Variants in CPEB2 observed in about 807,000 individuals in gnomAD.
The protein encoded by CPEB2 is cytoplasmic polyadenylation element binding protein 2.
Under a neutral mutation model 93.6 loss-of-function variants are expected in CPEB2, and 56 were observed. The observed-to-expected ratio is 0.60, with a 90% CI of 0.48 to 0.75. The LOEUF (loss-of-function observed/expected upper bound fraction) is 0.75, where lower values mean the gene tolerates loss of function less well. Ranked by LOEUF, CPEB2 falls within the 30% of genes least tolerant of loss-of-function variation. The pLI is 0.00. For synonymous variants in CPEB2, 764 were observed against 586.3 expected, an observed-to-expected ratio of 1.30 and a Z score of -4.38; for missense variants, 1,579 against 1,395.1, an observed-to-expected ratio of 1.13 and a Z score of -2.10.
Position 15,003,214 on chromosome 4 carries a change from G to A in CPEB2, c.541G>A (p.Glu181Lys), listed in dbSNP as rs1003483266. Residue 181 changes from glutamate (E) to lysine (K), a missense_variant, in exon 1 of 12, where the codon GAG becomes AAG. By Grantham distance (56) the Glu-to-Lys change is moderately conservative (BLOSUM62 1). Transcript: ENST00000538197. ...QQQLSSQKRK[E>K]FSPPHLPHPP... is the part of the protein sequence containing the mutation. ...GCAGCTGAGCAGCCAGAAGAGGAAAGAGTTCAGCCCTCCCCACCTTCCCCA... is the reference window on the plus strand; with the variant it reads ...GCAGCTGAGCAGCCAGAAGAGGAAAAAGTTCAGCCCTCCCCACCTTCCCCA... 2.0e-6 allele frequency: 3 copies of A among 1,533,162 alleles called. No individual in the cohort carries two copies. The highest frequency in any genetic ancestry group is 4.9e-5 in the East Asian group (2 of 40,534). The allele number at this position is 1,533,162 out of a possible 1,614,324, so 95.0% of individuals were successfully genotyped here. A position where few individuals can be genotyped will look rare whatever the true frequency, so the allele number is the denominator to read the frequency against.
At chr4:15,012,772 T>A (rs1296527227) in intron 3 of CPEB2, among the ~76,000 whole-genome samples, 1 of 152,156 alleles carries the variant, frequency 6.6e-6, no homozygotes, top group Admixed American at 6.5e-5. Flanking sequence ...TCTTTCTAGT[T>A]AAGCAGAATA....
intron 11 of CPEB2, among the ~76,000 whole-genome samples, chr4:15,064,098 T>C (rs550437028): frequency 6.6e-6 from 1 of 152,262 alleles, no homozygotes; most frequent in South Asian, 2.1e-4. Context: ...ATGAAAATTG[T>C]TTATTCCACT....
At chr4:15,052,235 T>C (rs2109080129) in intron 6 of CPEB2, among the ~76,000 whole-genome samples, 179 bp from the exon 7 acceptor site, 1 of 152,286 alleles carries the variant, frequency 6.6e-6, no homozygotes, top group East Asian at 1.9e-4. Flanking sequence ...ACTCTTTAGA[T>C]TGCTTCTTTC....
In CPEB2 at chr4:15,002,486, G is replaced by A. The variant is rs140498114; in HGVS notation, c.-188G>A. 0.027 allele frequency among the ~76,000 whole-genome samples: 4,044 copies of A among 151,722 alleles called. 88 individuals carry two copies. The highest frequency in any genetic ancestry group is 0.13 in the South Asian group (645 of 4,798). On this transcript the variant is annotated 5_prime_UTR_variant, in exon 1 of 12. Transcript: ENST00000538197. Reference sequence around the variant, plus strand: ...CCAGGGCGGCTACGGCGACTGCGACGGCGGCGGCGGCGGCGATCGCCGCGA... The same window carrying A: ...CCAGGGCGGCTACGGCGACTGCGACAGCGGCGGCGGCGGCGATCGCCGCGA...
chr4:15,009,876 C>G (rs1723256107), intron 3 of CPEB2, among the ~76,000 whole-genome samples: 1 of 152,178 alleles, frequency 6.6e-6, no homozygotes, highest in Non-Finnish European at 1.5e-5. Context: ...AGCTTTCACA[C>G]CAGCCTCCGG....
rs939334937 is a variant in CPEB2 at position 15,003,566 on chromosome 4, A to C, written c.893A>C (p.Asn298Thr). Residue 298 changes from asparagine to threonine, a missense_variant, in exon 1 of 12, where the codon AAT (asparagine) becomes ACT (threonine). By Grantham distance (65) the Asn-to-Thr change is moderately conservative (BLOSUM62 0). Coordinates refer to ENST00000538197, the MANE Select transcript of CPEB2 (RefSeq NM_001177382.2). ...GAGGGCAGCGCCGCCGAGTCCCCCA[A>C]TGCGGGCTTGGCCTCCTCGACGCCG... ...AGEGSAAESP[N>T]AGLASSTPVN... 2.1e-4 allele frequency: 313 copies of C among 1,465,476 alleles called. No homozygotes were observed. Among genetic ancestry groups the C allele is most frequent in the Non-Finnish European group, 2.8e-4 (306 of 1,112,294 alleles). 90.8% of individuals were successfully genotyped at this position (1,465,476 alleles called of 1,614,324 possible).
intron 5 of CPEB2, among the ~76,000 whole-genome samples, chr4:15,033,706 A>G (rs138216348): frequency 2.0e-5 from 3 of 152,346 alleles, no homozygotes; most frequent in African/African-American, 4.8e-5. Flanking sequence ...GAAGTTCACC[A>G]AAGTAAGGAA....
chr4:15,057,782 A>G (rs1261827241), intron 8 of CPEB2, among the ~76,000 whole-genome samples: 5 of 152,136 alleles, frequency 3.3e-5, no homozygotes, highest in African/African-American at 1.2e-4. Flanking sequence ...CATCTGACCC[A>G]TGTTTTATTA....
At position 15,003,747 on chromosome 4, in the gene CPEB2, C is replaced by G. The variant is rs770957035; in HGVS notation, c.1074C>G (p.Gly358=). The change falls in exon 1 of 12, where the codon GGC becomes GGG. Residue 358 remains glycine (G), a synonymous_variant. Transcript: ENST00000538197. ...PHPGGGGGGG[G]GGPPGGGGGG... is the part of the protein sequence containing the mutation. ...CGGGCGGCGGCGGCGGCGGCGGGGGCGGGGGGCCCCCAGGAGGCGGAGGGG... is the reference window on the plus strand; with the variant it reads ...CGGGCGGCGGCGGCGGCGGCGGGGGGGGGGGGCCCCCAGGAGGCGGAGGGG... The G allele has an allele frequency of 9.1e-7, 1 of 1,103,462 alleles. No homozygotes were observed. Among genetic ancestry groups the G allele is most frequent in the Non-Finnish European group, 1.1e-6 (1 of 899,772 alleles). The allele number at this position is 1,103,462 out of a possible 1,614,324, so 68.4% of individuals were successfully genotyped here. A position where few individuals can be genotyped will look rare whatever the true frequency, so the allele number is the denominator to read the frequency against.
At chr4:15,060,865 A>G (rs1258602592) in intron 10 of CPEB2, among the ~76,000 whole-genome samples, 2 of 152,190 alleles carry the variant, frequency 1.3e-5, no homozygotes, top group African/African-American at 2.4e-5. Flanking sequence ...TGATGTTAGC[A>G]TGAATCAGGA....
At chr4:15,065,048 A>G (rs1455621173) in intron 11 of CPEB2, among the ~76,000 whole-genome samples, 4 of 152,132 alleles carry the variant, frequency 2.6e-5, no homozygotes, top group Non-Finnish European at 5.9e-5. Flanking sequence ...TCCTAATCCT[A>G]ATCAATGAAA....
rs1467961561 is a variant in CPEB2, at chr4:15,003,746, G to A, written c.1073G>A (p.Gly358Asp). The change falls in exon 1 of 12, where the codon GGC becomes GAC. Residue 358 changes from glycine to aspartate, a missense_variant. Physicochemically the swap from Gly to Asp is moderately conservative, Grantham distance 94. Around this residue, in one of 2 missense-constraint regions of CPEB2, gnomAD observed 1,411 missense variants for 1,056.0 expected, o/e 1.34. Transcript: ENST00000538197. ...CCGGGCGGCGGCGGCGGCGGCGGGG[G>A]CGGGGGGCCCCCAGGAGGCGGAGGG... ...PHPGGGGGGGGGGPPGGGGGG... is the reference protein window; with the variant it reads ...PHPGGGGGGGDGGPPGGGGGG... 7.1e-6 allele frequency: 9 copies of A among 1,275,372 alleles called. No individual in the cohort carries two copies. The highest frequency in any genetic ancestry group is 3.2e-5 in the East Asian group (1 of 30,904). 79.0% of individuals were successfully genotyped at this position (1,275,372 alleles called of 1,614,324 possible). A position where few individuals can be genotyped will look rare whatever the true frequency, so the allele number is the denominator to read the frequency against.
rs1414833766 is a variant in CPEB2 at position 15,003,657 on chromosome 4, C to T, written c.984C>T (p.Leu328=). The T allele has an allele frequency of 1.4e-6, 2 of 1,474,066 alleles. No individual in the cohort carries two copies. The highest frequency in any genetic ancestry group is 2.5e-5 in the South Asian group (2 of 78,606). 91.3% of individuals were successfully genotyped at this position (1,474,066 alleles called of 1,614,324 possible). The change falls in exon 1 of 12, where the codon CTC becomes CTT. Residue 328 remains leucine, a synonymous_variant. Transcript: ENST00000538197. ...NHPLLNSPSN[L]LPGGALGAGA... ...CTCTGCTCAACAGTCCCAGTAACCT[C>T]CTGCCCGGAGGTGCGCTTGGCGCGG... is the stretch of plus-strand genomic sequence containing the variant.
rs116629431 is a variant in CPEB2, at chr4:15,026,756, A to G, written c.2126-6405A>G. Among the ~76,000 whole-genome samples the G allele has an allele frequency of 3.5e-3, 533 of 152,368 alleles. 3 individuals carry two copies. Among genetic ancestry groups the G allele is most frequent in the African/African-American group, 0.012 (492 of 41,592 alleles). On this transcript the variant is annotated intron_variant, in intron 4 of 11. Transcript: ENST00000538197. ...GAATTCCTGTATATTGTATCTATACATGTAAAATAGTTTGTATAACCATTC... is the reference window on the plus strand; with the variant it reads ...GAATTCCTGTATATTGTATCTATACGTGTAAAATAGTTTGTATAACCATTC...
chr4:15,040,963 T>C (rs375315745), intron 6 of CPEB2, among the ~76,000 whole-genome samples: 35 of 152,310 alleles, frequency 2.3e-4, no homozygotes, highest in African/African-American at 7.9e-4. Flanking sequence ...AGAAATCATG[T>C]TGCTTATATT....
chr4:15,060,327 G>A (rs529897368), intron 10 of CPEB2, among the ~76,000 whole-genome samples: 1 of 152,292 alleles, frequency 6.6e-6, no homozygotes. Context: ...AAGCAAAAGA[G>A]AGACTTCATT....
At chr4:15,017,147 A>C (rs1281136972) in intron 3 of CPEB2, 41 bp from the exon 4 acceptor site, 2 of 1,146,490 alleles carry the variant, frequency 1.7e-6, no homozygotes, top group East Asian at 2.4e-5. Context: ...TTTTGAAAAA[A>C]CTGCATAGAT....
chr4:15,013,267 C>A (rs765913588), intron 3 of CPEB2, among the ~76,000 whole-genome samples: 86 of 152,060 alleles, frequency 5.7e-4, no homozygotes, highest in Non-Finnish European at 9.9e-4. Flanking sequence ...TTGTGAGATT[C>A]TGTAATCTGT....
At chr4:15,062,328 A>G (rs577080012) in intron 11 of CPEB2, 68 bp downstream of exon 11, 196 of 1,093,500 alleles carry the variant, frequency 1.8e-4, no homozygotes, top group Middle Eastern at 1.3e-3. Flanking sequence ...TCATACCCTA[A>G]CGAGTTAATA....
Sources: allele counts gnomAD v4.1 joint callset (sites outside exome capture counted in the v4.1 genomes callset), GRCh38; gene constraint gnomAD v4.1.1; regional missense constraint gnomAD v4.1.1; transcripts MANE v1.5; gene names NCBI Gene and HGNC (gene_info 2026-07-23, HGNC 2026-07-21).